CDH3: variants seen among roughly 807,000 people sequenced by gnomAD.
The protein encoded by CDH3 is cadherin-3.
In CDH3, 54 loss-of-function variants were observed where a neutral mutation model predicts 82.0. The observed-to-expected ratio is 0.66, with a 90% CI of 0.53 to 0.83. CDH3 has a LOEUF of 0.83. Ranked by LOEUF, CDH3 falls within the 40% of genes least tolerant of loss-of-function variation. CDH3 has a pLI of 0.00. For missense variants in CDH3, 1,054 were observed against 1,084.6 expected, an observed-to-expected ratio of 0.97 and a Z score of 0.40; for synonymous variants, 446 against 437.9, an observed-to-expected ratio of 1.02 and a Z score of -0.23.
intron 6 of CDH3, 80 bp from the exon 7 acceptor site, chr16:68,679,702 AAAAAAAAAAAAAAAAAG>A: frequency 1.6e-6 from 1 of 621,886 alleles, no homozygotes; most frequent in Non-Finnish European, 2.6e-6. Context: ...CTCAAAAAAA[AAAAAAAAAAAAAAAAAG>A]AAAAGAAAAA....
Position 68,721,828 on chromosome 16 carries a change from G to A in CDH3, c.100-597G>A, listed in dbSNP as rs186570816. On this transcript the variant is annotated intron_variant, in intron 1 of 2. Transcript: ENST00000569080. ...TTGTTGGCCAGGCGTGGTGGCTCAC[G>A]CCTGTAATTCTAGCACTTTGGGAGG... Among the ~76,000 whole-genome samples the A allele has an allele frequency of 7.9e-5, 12 of 152,184 alleles. No homozygotes were observed. The South Asian group carries it at 1.9e-3, about 24-fold the overall frequency.
rs373540891 is a variant in CDH3, at chr16:68,652,607, C to T, written c.160+6857C>T. ...GAATAACAAATGTAGACAAAAGTGCCGAAATGATGAGTGTGCAGCCCGATG... is the reference window on the plus strand; with the variant it reads ...GAATAACAAATGTAGACAAAAGTGCTGAAATGATGAGTGTGCAGCCCGATG... On this transcript the variant is annotated intron_variant, in intron 2 of 15. Transcript: ENST00000264012. Among the ~76,000 whole-genome samples the T allele has an allele frequency of 9.2e-5, 14 of 152,208 alleles. 1 individual carries two copies. Among genetic ancestry groups the T allele is most frequent in the African/African-American group, 2.9e-4 (12 of 41,530 alleles).
chr16:68,698,380 G>A lies in CDH3; in HGVS notation c.2470G>A (p.Gly824Ser), dbSNP rs779881845. 10 of 1,614,018 alleles carry A rather than the reference G, an allele frequency of 6.2e-6. No individual in the cohort carries two copies. The highest frequency in any genetic ancestry group is 4.0e-5 in the African/African-American group (3 of 74,946). The change falls in exon 16 of 16, where the codon GGT (glycine) becomes AGT (serine). Residue 824 changes from glycine (G) to serine (S), a missense_variant. Transcript: ENST00000264012. Reference sequence around the variant, plus strand: ...CTTCAAGAAGCTGGCAGACATGTACGGTGGCGGGGAGGACGACTAGGCGGC... The same window carrying A: ...CTTCAAGAAGCTGGCAGACATGTACAGTGGCGGGGAGGACGACTAGGCGGC... ...SRFKKLADMY[G>S]GGEDD is the part of the protein sequence containing the mutation.
At chr16:68,673,648 G>A (rs917938717) in intron 2 of CDH3, among the ~76,000 whole-genome samples, 2 of 152,142 alleles carry the variant, frequency 1.3e-5, no homozygotes, top group Non-Finnish European at 2.9e-5. Context: ...TATAGAGGCC[G>A]GGTGCAGTGG....
chr16:68,661,432 A>C (rs1414496364), intron 2 of CDH3, among the ~76,000 whole-genome samples: 1 of 152,232 alleles, frequency 6.6e-6, no homozygotes, highest in Non-Finnish European at 1.5e-5. Flanking sequence ...TTTGTGTATG[A>C]AACGGCATGT....
At chr16:68,679,522 A>C (rs1381078276) in intron 6 of CDH3, among the ~76,000 whole-genome samples, 1 of 151,918 alleles carries the variant, frequency 6.6e-6, no homozygotes, top group Non-Finnish European at 1.5e-5. Flanking sequence ...GTGAAATCCT[A>C]TCTCTACTAA....
chr16:68,719,253 A>G (rs28883395), intron 1 of CDH3, among the ~76,000 whole-genome samples: 2 of 62,598 alleles, frequency 3.2e-5, no homozygotes, highest in Admixed American at 3.3e-4. Context: ...TCAAAAAAAA[A>G]GAAAAAAAAA....
intron 7 of CDH3, among the ~76,000 whole-genome samples, chr16:68,680,539 C>T (rs925774218): frequency 3.4e-4 from 52 of 152,098 alleles, no homozygotes; most frequent in African/African-American, 1.2e-3. Flanking sequence ...ATTAGCTGGG[C>T]GTGGTGGCAG....
chr16:68,712,523 C>T (rs1962043917), intron 1 of CDH3, among the ~76,000 whole-genome samples: 1 of 152,136 alleles, frequency 6.6e-6, no homozygotes. Flanking sequence ...TCTTATCTGG[C>T]TCCAATCAGG....
intron 2 of CDH3, among the ~76,000 whole-genome samples, chr16:68,667,846 C>G (rs1960779678): frequency 6.6e-6 from 1 of 152,136 alleles, no homozygotes; most frequent in Non-Finnish European, 1.5e-5. Flanking sequence ...CATTGGATGT[C>G]TTCTATCGAG....
chr16:68,645,659 C>G lies in CDH3; in HGVS notation c.69C>G (p.Ala23=). 6.5e-7 allele frequency: 1 copy of G among 1,543,450 alleles called. No individual in the cohort carries two copies. Among genetic ancestry groups the G allele is most frequent in the Non-Finnish European group, 8.7e-7 (1 of 1,146,616 alleles). ...LLQVCWLQCA[A]SEPCRAVFRE... ...AGGTTTGCTGGCTGCAGTGCGCGGC[C>G]TCCGAGCCGTGCCGGGCGGTCTTCA... The change falls in exon 2 of 16, where the codon GCC becomes GCG. Residue 23 remains alanine (A), a synonymous_variant. Coordinates refer to ENST00000264012, the MANE Select transcript of CDH3 (RefSeq NM_001793.6).
intron 1 of CDH3, among the ~76,000 whole-genome samples, chr16:68,706,064 CAAAA>C (rs548695101): frequency 4.2e-5 from 3 of 70,594 alleles, no homozygotes; most frequent in Admixed American, 1.8e-4. Flanking sequence ...GACTCCGTCT[CAAAA>C]AAAAAAAAAA....
intron 2 of CDH3, chr16:68,650,937 TAAAA>T (rs377604279): frequency 7.0e-4 from 111 of 157,900 alleles, no homozygotes; most frequent in South Asian, 2.2e-3. Context: ...TTGAACAGGT[TAAAA>T]AAAAAAAAAA....
intron 1 of CDH3, among the ~76,000 whole-genome samples, chr16:68,708,098 C>T (rs1364258307): frequency 5.3e-5 from 8 of 152,166 alleles, no homozygotes; most frequent in Admixed American, 3.3e-4. Flanking sequence ...GAGGCCGAGG[C>T]GGGCCGGTCA....
chr16:68,664,411 A>C (rs1249007187), intron 2 of CDH3, among the ~76,000 whole-genome samples: 1 of 152,132 alleles, frequency 6.6e-6, no homozygotes, highest in Non-Finnish European at 1.5e-5. Context: ...AAATGAGAGA[A>C]TCAAGAACTT....
intron 7 of CDH3, among the ~76,000 whole-genome samples, chr16:68,680,708 A>G (rs1005205109): frequency 1.1e-4 from 16 of 152,318 alleles, no homozygotes; most frequent in African/African-American, 3.8e-4. Flanking sequence ...ATTCTGGAGC[A>G]GTTAAGGGTC....
At chr16:68,712,849 T>G (rs926265326) in intron 1 of CDH3, among the ~76,000 whole-genome samples, 19 of 152,056 alleles carry the variant, frequency 1.2e-4, no homozygotes, top group African/African-American at 4.6e-4. Context: ...GCCCAGCTAA[T>G]TTTTGTATTT....
At position 68,718,066 on chromosome 16, in the gene CDH3, G is replaced by GT. The variant is rs1240459360; in HGVS notation, c.100-4358dup. Among the ~76,000 whole-genome samples the GT allele has an allele frequency of 2.0e-5, 3 of 152,068 alleles. No individual in the cohort carries two copies. In the East Asian group the frequency reaches 5.8e-4, roughly 30 times the overall value. ...CTGGAGTTGCCCAGACTGGAGTGCA[G>GT]TGGCACAATCATGGCTCACTGCAAT... On this transcript the variant is annotated intron_variant, in intron 1 of 2. Coordinates refer to the CDH3 transcript ENST00000569080.
intron 2 of CDH3, among the ~76,000 whole-genome samples, chr16:68,669,733 T>G (rs950320337): frequency 6.6e-6 from 1 of 152,074 alleles, no homozygotes; most frequent in East Asian, 1.9e-4. Context: ...TTGGAGTCAT[T>G]GAGTCTCTCC....
Sources: allele counts gnomAD v4.1 joint callset (sites outside exome capture counted in the v4.1 genomes callset), GRCh38; gene constraint gnomAD v4.1.1; transcripts MANE v1.5; gene names NCBI Gene and HGNC (gene_info 2026-07-23, HGNC 2026-07-21).